NAA50: variants seen among roughly 807,000 people sequenced by gnomAD.
NAA50 encodes the protein N-alpha-acetyltransferase 50.
NAA50 carries 7 observed loss-of-function variants against 20.7 expected under a neutral mutation model. The ratio of observed to expected loss-of-function variants is 0.34; its 90% CI spans 0.19 to 0.63. NAA50 has a LOEUF of 0.63. Ranked by LOEUF, NAA50 falls within the 30% of genes least tolerant of loss-of-function variation. The probability of loss-of-function intolerance (pLI) is 0.75; values close to 1 mark genes in which losing one functional copy is unlikely to be tolerated. For missense variants in NAA50, 111 were observed against 199.1 expected, an observed-to-expected ratio of 0.56 and a Z score of 2.66; for synonymous variants, 54 against 70.6, an observed-to-expected ratio of 0.77 and a Z score of 1.18.
Position 113,721,678 on chromosome 3 carries a change from A to C in NAA50, c.*82T>G. On this transcript the variant is annotated 3_prime_UTR_variant, in exon 5 of 5. Coordinates refer to ENST00000240922, the MANE Select transcript of NAA50 (RefSeq NM_025146.4). ...GGAGGGAGAAAAGCTTTAAAAGAAA[A>C]GTGTTGGGGTGGGGGAGGAATCAAT... is the stretch of plus-strand genomic sequence containing the variant. 1 of 1,413,692 alleles carries C rather than the reference A, an allele frequency of 7.1e-7. No individual in the cohort carries two copies. Among genetic ancestry groups the C allele is most frequent in the Non-Finnish European group, 9.8e-7 (1 of 1,017,740 alleles). The allele number at this position is 1,413,692 out of a possible 1,614,324, so 87.6% of individuals were successfully genotyped here. A position where few individuals can be genotyped will look rare whatever the true frequency, so the allele number is the denominator to read the frequency against.
chr3:113,720,766 G>A lies in NAA50; in HGVS notation c.*994C>T, dbSNP rs1244077867. 3 of 152,226 alleles carry A rather than the reference G, an allele frequency of 2.0e-5. No individual in the cohort carries two copies. The highest frequency in any genetic ancestry group is 7.2e-5 in the African/African-American group (3 of 41,428). The allele number at this position is 152,226 out of a possible 1,614,324, so 9.4% of individuals were successfully genotyped here. A position where few individuals can be genotyped will look rare whatever the true frequency, so the allele number is the denominator to read the frequency against. ...TTTTAACAGCTGGCATTAGATGACAGTAATTGAATTTTTTGTGTCACAGCC... is the reference window on the plus strand; with the variant it reads ...TTTTAACAGCTGGCATTAGATGACAATAATTGAATTTTTTGTGTCACAGCC... On this transcript the variant is annotated 3_prime_UTR_variant, in exon 5 of 5. Transcript: ENST00000240922.
At chr3:113,738,003 G>A (rs550478870) in intron 1 of NAA50, among the ~76,000 whole-genome samples, 60 of 152,208 alleles carry the variant, frequency 3.9e-4, no homozygotes, top group African/African-American at 1.3e-3. Flanking sequence ...CCAGGAGTTC[G>A]AGACCAGCCT....
chr3:113,739,244 T>C (rs1708381739), intron 1 of NAA50, among the ~76,000 whole-genome samples: 1 of 152,256 alleles, frequency 6.6e-6, no homozygotes, highest in South Asian at 2.1e-4. Flanking sequence ...AGAAAATTTA[T>C]ACCATTCATG....
At chr3:113,735,949 G>A (rs2107992437) in intron 1 of NAA50, among the ~76,000 whole-genome samples, 1 of 152,352 alleles carries the variant, frequency 6.6e-6, no homozygotes, top group African/African-American at 2.4e-5. Flanking sequence ...GCCCCCGAAA[G>A]TGCTGGGATT....
chr3:113,724,144 T>A, intron 1 of NAA50, 49 bp from the exon 2 acceptor site: 1 of 1,449,156 alleles, frequency 6.9e-7, no homozygotes, highest in Non-Finnish European at 9.2e-7. Flanking sequence ...GCCCCATTTG[T>A]TAATATGAAC....
chr3:113,722,944 GT>G lies in NAA50; in HGVS notation c.293del (p.Asn98ThrfsTer45). On this transcript the variant is annotated frameshift_variant, in exon 4 of 5. Transcript: ENST00000240922. LOFTEE classifies it high-confidence loss of function. ...IGTKMLNHVLNICEKDGTFDN... is the reference protein window; with the variant it reads ...IGTKMLNHVLXICEKDGTFDN... ...CAAAAGTACCATCTTTTTCACAGATGTTTAAGACATGATTTAACATTTTAGT... is the reference window on the plus strand; with the variant it reads ...CAAAAGTACCATCTTTTTCACAGATGTTAAGACATGATTTAACATTTTAGT... The G allele has an allele frequency of 6.5e-7, 1 of 1,542,008 alleles. No individual in the cohort carries two copies. The highest frequency in any genetic ancestry group is 8.8e-7 in the Non-Finnish European group (1 of 1,135,142).
intron 1 of NAA50, among the ~76,000 whole-genome samples, chr3:113,742,642 C>T (rs1464843362): frequency 6.6e-6 from 1 of 152,016 alleles, no homozygotes; most frequent in Non-Finnish European, 1.5e-5. Context: ...AACCACTGTT[C>T]GGAGTTTTTA....
chr3:113,721,626 GA>G lies in NAA50; in HGVS notation c.*133del. ...AAGTATTAAAACTCTCAGAGAAAAG[GA>G]AAGGAAGAAAGAAAAACAAGAACAA... On this transcript the variant is annotated 3_prime_UTR_variant, in exon 5 of 5. Coordinates refer to ENST00000240922, the MANE Select transcript of NAA50 (RefSeq NM_025146.4). 1.2e-6 allele frequency: 1 copy of G among 863,948 alleles called. No homozygotes were observed. The highest frequency in any genetic ancestry group is 1.8e-6 in the Non-Finnish European group (1 of 550,394). The allele number at this position is 863,948 out of a possible 1,614,324, so 53.5% of individuals were successfully genotyped here.
intron 1 of NAA50, among the ~76,000 whole-genome samples, chr3:113,732,941 T>C (rs2107990541): frequency 6.6e-6 from 1 of 152,260 alleles, no homozygotes; most frequent in East Asian, 1.9e-4. Context: ...ATTCTACTGG[T>C]GTGATGTGAT....
chr3:113,723,555 C>T lies in NAA50; in HGVS notation c.146-14G>A. ...CATTGAAATAGGCTGCCAAGGAAAACATAAAGATATAATGTTGAACAGACA... is the reference window on the plus strand; with the variant it reads ...CATTGAAATAGGCTGCCAAGGAAAATATAAAGATATAATGTTGAACAGACA... On this transcript the variant is annotated splice_polypyrimidine_tract_variant and intron_variant, in intron 2 of 4. Coordinates refer to ENST00000240922, the MANE Select transcript of NAA50 (RefSeq NM_025146.4). 1 of 1,597,080 alleles carries T rather than the reference C, an allele frequency of 6.3e-7. No individual in the cohort carries two copies. The highest frequency in any genetic ancestry group is 1.7e-5 in the Admixed American group (1 of 57,154).
intron 4 of NAA50, 66 bp from the exon 5 acceptor site, chr3:113,722,003 CCA>C (rs2095348220): frequency 5.7e-6 from 8 of 1,408,516 alleles, no homozygotes; most frequent in Non-Finnish European, 7.8e-6. Context: ...TAAGCATTCT[CCA>C]CAGATAGCTC....
intron 1 of NAA50, among the ~76,000 whole-genome samples, chr3:113,733,088 A>C (rs1307567659): frequency 1.3e-5 from 2 of 151,554 alleles, no homozygotes; most frequent in Non-Finnish European, 2.9e-5. Flanking sequence ...ATAAACCTAG[A>C]ATTTTTTACA....
intron 1 of NAA50, among the ~76,000 whole-genome samples, chr3:113,727,706 A>T (rs1233167248): frequency 2.0e-5 from 3 of 152,082 alleles, no homozygotes; most frequent in Non-Finnish European, 2.9e-5. Flanking sequence ...GCCAGAAATA[A>T]GTTTGCTGAT....
intron 1 of NAA50, among the ~76,000 whole-genome samples, chr3:113,727,411 T>C (rs943488061): frequency 2.0e-5 from 3 of 152,192 alleles, no homozygotes; most frequent in Non-Finnish European, 2.9e-5. Flanking sequence ...GCTTCAAGCA[T>C]ACTTACAGTT....
intron 1 of NAA50, among the ~76,000 whole-genome samples, chr3:113,731,109 C>T (rs570588718): frequency 6.6e-6 from 1 of 152,242 alleles, no homozygotes; most frequent in Non-Finnish European, 1.5e-5. Context: ...AGCATCTTTT[C>T]ATGTATTTCT....
chr3:113,745,044 GTAAA>G lies in NAA50; in HGVS notation c.8+894_8+897del, dbSNP rs1577075054. On this transcript the variant is annotated intron_variant, in intron 1 of 4. Coordinates refer to ENST00000240922, the MANE Select transcript of NAA50 (RefSeq NM_025146.4). ...GTTTATGAGCTTCATCTCTTTGAGGGTAAAGACAAGCTCCAAAACGGCTTGAGAC... is the reference window on the plus strand; with the variant it reads ...GTTTATGAGCTTCATCTCTTTGAGGGGACAAGCTCCAAAACGGCTTGAGAC... Among the ~76,000 whole-genome samples, 3 of 152,196 alleles carry G rather than the reference GTAAA, an allele frequency of 2.0e-5. No individual in the cohort carries two copies. In the East Asian group the frequency reaches 5.8e-4, roughly 29 times the overall value.
chr3:113,723,354 G>A, intron 3 of NAA50, 68 bp downstream of exon 3: 1 of 1,452,282 alleles, frequency 6.9e-7, no homozygotes, highest in Non-Finnish European at 9.3e-7. Context: ...TAACTTACTA[G>A]GTCAGACACA....
Position 113,719,462 on chromosome 3 carries a change from G to A in NAA50, c.*2298C>T, listed in dbSNP as rs1396989484. 1 of 152,498 alleles carries A rather than the reference G, an allele frequency of 6.6e-6. No individual in the cohort carries two copies. The highest frequency in any genetic ancestry group is 1.5e-5 in the Non-Finnish European group (1 of 67,990). The allele number at this position is 152,498 out of a possible 1,614,324, so 9.4% of individuals were successfully genotyped here. On this transcript the variant is annotated 3_prime_UTR_variant, in exon 5 of 5. Transcript: ENST00000240922. ...ATATCAAAATAACCAGCTCAACATA[G>A]GACATTACTTCAGTCTTTACTGACT...
In NAA50 at chr3:113,722,894, T is replaced by G. The variant is rs200247477; in HGVS notation, c.332+12A>C. On this transcript the variant is annotated intron_variant, in intron 4 of 4. Coordinates refer to ENST00000240922, the MANE Select transcript of NAA50 (RefSeq NM_025146.4). Reference sequence around the variant, plus strand: ...CCCCTTTGATAAGAACATTAAATATTATTTTACTTACAGATAAATGTTGTC... The same window carrying G: ...CCCCTTTGATAAGAACATTAAATATGATTTTACTTACAGATAAATGTTGTC... 95 of 1,518,018 alleles carry G rather than the reference T, an allele frequency of 6.3e-5. 1 individual carries two copies. The South Asian group carries it at 1.1e-3, about 18-fold the overall frequency. The allele number at this position is 1,518,018 out of a possible 1,614,324, so 94.0% of individuals were successfully genotyped here.
Sources: gnomAD v4.1 joint callset for allele counts (sites outside exome capture counted in the v4.1 genomes callset) on GRCh38, gnomAD v4.1.1 for gene constraint, MANE v1.5 for transcripts, NCBI Gene and HGNC (gene_info 2026-07-23, HGNC 2026-07-21) for gene names.